ACTN4: variants seen among roughly 807,000 people sequenced by gnomAD.
ACTN4 encodes alpha-actinin-4.
ACTN4 carries 18 observed loss-of-function variants against 114.2 expected under a neutral mutation model. The ratio of observed to expected loss-of-function variants is 0.16; its 90% CI spans 0.11 to 0.23. The LOEUF is 0.23. Among genes scored for constraint, ACTN4 ranks in the 10% least tolerant of loss-of-function variants. The pLI, the probability that ACTN4 is intolerant of heterozygous loss-of-function variation, is 1.00. For synonymous variants in ACTN4, 515 were observed against 506.3 expected, an observed-to-expected ratio of 1.02 and a Z score of -0.23; for missense variants, 722 against 1,262.9, an observed-to-expected ratio of 0.57 and a Z score of 6.49.
chr19:38,728,888 T>A, intron 19 of ACTN4, 108 bp from the exon 20 acceptor site: 2 of 1,413,788 alleles, frequency 1.4e-6, no homozygotes, highest in East Asian at 4.6e-5. Flanking sequence ...CACACGTGGG[T>A]TGGGCCCTAC....
At chr19:38,705,593 G>T (rs1167110431) in intron 4 of ACTN4, among the ~76,000 whole-genome samples, 2 of 152,242 alleles carry the variant, frequency 1.3e-5, no homozygotes, top group Non-Finnish European at 2.9e-5. Flanking sequence ...TGTGAGGACA[G>T]CCGAGCTATC....
chr19:38,722,865 G>A (rs1969094155), intron 12 of ACTN4, among the ~76,000 whole-genome samples: 2 of 152,164 alleles, frequency 1.3e-5, no homozygotes, highest in South Asian at 4.1e-4. Flanking sequence ...GGCGGTCCCC[G>A]AAGCAGCTCT....
chr19:38,709,321 C>A, intron 6 of ACTN4, 74 bp from the exon 7 acceptor site: 1 of 1,176,288 alleles, frequency 8.5e-7, no homozygotes. Flanking sequence ...TCCCTCTGGG[C>A]CAGCCCTGCC....
rs1968891341 is a variant in ACTN4 at position 38,717,721 on chromosome 19, C to T, written c.1144-206C>T. Among the ~76,000 whole-genome samples the T allele has an allele frequency of 6.6e-6, 1 of 152,228 alleles. No homozygotes were observed. The highest frequency in any genetic ancestry group is 6.5e-5 in the Admixed American group (1 of 15,282). ...CCATTCATTCATGCACTCACCCGTT[C>T]ACGCATTCATTTTGTTAATCCAGAA... On this transcript the variant is annotated intron_variant, in intron 10 of 20. Coordinates refer to ENST00000252699, the MANE Select transcript of ACTN4 (RefSeq NM_004924.6). This position sits in a 1 kb window ranked among gnomAD's most constrained non-coding sequence, Gnocchi z 4.0.
chr19:38,661,047 C>T (rs1222568813), intron 1 of ACTN4, among the ~76,000 whole-genome samples: 1 of 152,066 alleles, frequency 6.6e-6, no homozygotes, highest in Non-Finnish European at 1.5e-5. Context: ...AGGGGGCCCC[C>T]GAGGAGCAGA....
chr19:38,698,068 C>T (rs772559443), intron 1 of ACTN4, among the ~76,000 whole-genome samples: 3 of 151,690 alleles, frequency 2.0e-5, no homozygotes, highest in Non-Finnish European at 2.9e-5. Context: ...GGGGTTGCTA[C>T]GGGAGAGGTG....
rs191082933 is a variant in ACTN4 at position 38,718,633 on chromosome 19, G to A, written c.1291+559G>A. ...CCTCTTTGTTGCCCAGTCTGCCCTC[G>A]CCTCAGAGGTGGGACCCTGTCAGTC... On this transcript the variant is annotated intron_variant, in intron 11 of 20. Transcript: ENST00000252699. 8.1e-4 allele frequency among the ~76,000 whole-genome samples: 123 copies of A among 152,194 alleles called. 1 individual carries two copies. The highest frequency in any genetic ancestry group is 2.8e-3 in the African/African-American group (117 of 41,518).
intron 11 of ACTN4, among the ~76,000 whole-genome samples, chr19:38,721,130 C>T (rs1969025185): frequency 6.6e-6 from 1 of 152,178 alleles, no homozygotes; most frequent in African/African-American, 2.4e-5. Flanking sequence ...CTGATGCTTC[C>T]CCTTCCCCAA....
At chr19:38,708,028 A>C in intron 5 of ACTN4, 89 bp from the exon 6 acceptor site, 2 of 1,295,342 alleles carry the variant, frequency 1.5e-6, no homozygotes, top group Non-Finnish European at 2.2e-6. Flanking sequence ...GTGAATGGGA[A>C]TTAGTCACTG....
At chr19:38,651,827 G>T (rs371616959) in intron 1 of ACTN4, among the ~76,000 whole-genome samples, 7 of 152,118 alleles carry the variant, frequency 4.6e-5, no homozygotes, top group Middle Eastern at 6.8e-3. Context: ...CCTCTTCCAG[G>T]TTCAAGGAAT....
Position 38,717,129 on chromosome 19 carries a change from G to T in ACTN4, c.956G>T (p.Arg319Leu). 1 of 1,614,162 alleles carries T rather than the reference G, an allele frequency of 6.2e-7. No individual in the cohort carries two copies. Among genetic ancestry groups the T allele is most frequent in the Non-Finnish European group, 8.5e-7 (1 of 1,180,028 alleles). ...CGCACCATCCCCTGGCTGGAGGACC[G>T]TGTGCCCCAAAAGACTATCCAGGAG... ...IRRTIPWLEDRVPQKTIQEMQ... is the reference protein window; with the variant it reads ...IRRTIPWLEDLVPQKTIQEMQ... Residue 319 changes from arginine to leucine, a missense_variant, in exon 10 of 21, where the codon CGT becomes CTT. This residue lies in a region of ACTN4 where 523 missense variants were observed against 875.9 expected (regional missense o/e 0.60). Transcript: ENST00000252699. This position sits in a 1 kb window ranked among gnomAD's most constrained non-coding sequence, Gnocchi z 4.0.
chr19:38,729,775 TC>T lies in ACTN4; in HGVS notation c.*345del. Reference sequence around the variant, plus strand: ...GATGCCTCACCACACCCAGGTCTCTTCCTTTGCTCTGAGGTCCCTTCAAGGC... The same window carrying T: ...GATGCCTCACCACACCCAGGTCTCTTCTTTGCTCTGAGGTCCCTTCAAGGC... On this transcript the variant is annotated 3_prime_UTR_variant, in exon 21 of 21. Coordinates refer to ENST00000252699, the MANE Select transcript of ACTN4 (RefSeq NM_004924.6). 2.0e-6 allele frequency: 1 copy of T among 499,030 alleles called. No individual in the cohort carries two copies. The allele number at this position is 499,030 out of a possible 1,614,324, so 30.9% of individuals were successfully genotyped here.
At chr19:38,660,490 G>A (rs1046884422) in intron 1 of ACTN4, among the ~76,000 whole-genome samples, 3 of 151,674 alleles carry the variant, frequency 2.0e-5, no homozygotes, top group African/African-American at 7.3e-5. Flanking sequence ...CCGTCTCCTG[G>A]GTTCAAGCAA....
intron 1 of ACTN4, among the ~76,000 whole-genome samples, chr19:38,688,991 G>A (rs571602763): frequency 6.6e-6 from 1 of 152,212 alleles, no homozygotes; most frequent in South Asian, 2.1e-4. Flanking sequence ...CCAAAGTGTT[G>A]GAATTACAGG....
chr19:38,682,867 A>G (rs760292109), intron 1 of ACTN4, among the ~76,000 whole-genome samples: 1 of 151,966 alleles, frequency 6.6e-6, no homozygotes, highest in Non-Finnish European at 1.5e-5. Context: ...CTCAAATGTC[A>G]TCTCCACTGA....
intron 1 of ACTN4, among the ~76,000 whole-genome samples, chr19:38,653,747 A>G (rs568715365): frequency 2.3e-4 from 35 of 152,368 alleles, no homozygotes; most frequent in African/African-American, 8.2e-4. Flanking sequence ...CTTTTAAACA[A>G]GGTAAAACTT....
At chr19:38,691,926 G>A (rs1270425075) in intron 1 of ACTN4, among the ~76,000 whole-genome samples, 2 of 151,832 alleles carry the variant, frequency 1.3e-5, no homozygotes, top group South Asian at 2.1e-4. Context: ...AACAAAATCC[G>A]TCCTTTGCAG....
intron 1 of ACTN4, among the ~76,000 whole-genome samples, chr19:38,654,074 C>A (rs888997): frequency 0.67 from 101,730 of 152,098 alleles, 34,953 homozygotes; most frequent in South Asian, 0.81. Flanking sequence ...TGAAAGTGGC[C>A]CAGGTATCAC....
At chr19:38,694,502 C>T (rs544408635) in intron 1 of ACTN4, among the ~76,000 whole-genome samples, 2 of 152,114 alleles carry the variant, frequency 1.3e-5, no homozygotes, top group Non-Finnish European at 2.9e-5. Flanking sequence ...TCAAGTGATC[C>T]GCCCGCCTCG....
Sources: allele counts gnomAD v4.1 joint callset (sites outside exome capture counted in the v4.1 genomes callset), GRCh38; gene constraint gnomAD v4.1.1; regional missense constraint gnomAD v4.1.1; non-coding constraint Gnocchi (gnomAD v3.1); transcripts MANE v1.5; gene names NCBI Gene and HGNC (gene_info 2026-07-23, HGNC 2026-07-21).